The following LRCH3 variants were observed in gnomAD, a reference collection of about 807,000 sequenced individuals.
LRCH3 encodes leucine rich repeats and calponin homology domain containing 3.
Under a neutral mutation model 104.5 loss-of-function variants are expected in LRCH3, and 68 were observed. That is an observed-to-expected ratio of 0.65 (90% CI 0.54 to 0.80). The LOEUF is 0.80. Ranked by LOEUF, LRCH3 falls within the 30% of genes least tolerant of loss-of-function variation. The pLI, the probability that LRCH3 is intolerant of heterozygous loss-of-function variation, is 0.00. For synonymous variants in LRCH3, 344 were observed against 361.3 expected (o/e 0.95, Z 0.54); for missense variants, 951 against 953.9 (o/e 1.00, Z 0.04).
intron 1 of LRCH3, among the ~76,000 whole-genome samples, chr3:197,811,446 C>T (rs918453751): frequency 1.2e-4 from 19 of 152,180 alleles, no homozygotes; most frequent in East Asian, 5.8e-4. Flanking sequence ...TGGCCATTTT[C>T]GCATTCATAG....
intron 18 of LRCH3, 83 bp from the exon 19 acceptor site, chr3:197,871,242 A>T: frequency 1.8e-6 from 2 of 1,096,954 alleles, no homozygotes; most frequent in Non-Finnish European, 2.7e-6. Flanking sequence ...CTTGATTTTT[A>T]ATTAGATTTC....
At chr3:197,864,851 T>C (rs747488217) in intron 15 of LRCH3, among the ~76,000 whole-genome samples, 1 of 151,540 alleles carries the variant, frequency 6.6e-6, no homozygotes, top group African/African-American at 2.4e-5. Flanking sequence ...CAAGACACTG[T>C]CTCTACAAAA....
Position 197,830,762 on chromosome 3 carries a change from TTC to T in LRCH3, c.888-7_888-6del. 1 of 1,609,354 alleles carries T rather than the reference TTC, an allele frequency of 6.2e-7. No individual in the cohort carries two copies. Among genetic ancestry groups the T allele is most frequent in the Non-Finnish European group, 8.5e-7 (1 of 1,176,940 alleles). On this transcript the variant is annotated splice_region_variant and splice_polypyrimidine_tract_variant and intron_variant, in intron 6 of 20. Transcript: ENST00000425562. ...AAACTTTGCAGTAACAGAGTCTCTT[TTC>T]GGCAGCCATGAAGAACTGTACTCAA...
At chr3:197,855,364 C>T (rs946889539) in intron 14 of LRCH3, among the ~76,000 whole-genome samples, 3 of 152,158 alleles carry the variant, frequency 2.0e-5, no homozygotes, top group Non-Finnish European at 4.4e-5. Flanking sequence ...GCCTAAGAAG[C>T]GAATAATAAG....
Position 197,820,355 on chromosome 3 carries a change from C to T in LRCH3, c.565C>T (p.Pro189Ser), listed in dbSNP as rs1194913993. The change falls in exon 4 of 21, where the codon CCT (proline) becomes TCT (serine). Residue 189 changes from proline (P) to serine (S), a missense_variant. Pro to Ser is a moderately conservative substitution (Grantham distance 74, BLOSUM62 -1). Coordinates refer to ENST00000425562, the MANE Select transcript of LRCH3 (RefSeq NM_001365715.1). ...GAGCTGCAATGAAATTCAAACTATACCTTCCCAAATTGGTAACCTGGAGGC... is the reference window on the plus strand; with the variant it reads ...GAGCTGCAATGAAATTCAAACTATATCTTCCCAAATTGGTAACCTGGAGGC... ...DVSCNEIQTI[P>S]SQIGNLEALR... 5 of 1,612,724 alleles carry T rather than the reference C, an allele frequency of 3.1e-6. No homozygotes were observed. In the South Asian group the frequency reaches 5.5e-5, roughly 18 times the overall value.
intron 10 of LRCH3, 122 bp from the exon 11 acceptor site, chr3:197,847,287 A>T: frequency 2.4e-6 from 2 of 837,448 alleles, no homozygotes; most frequent in Non-Finnish European, 3.7e-6. Context: ...AATGCTAACT[A>T]GGCAGTTTGC....
chr3:197,817,374 A>ATATATATATATATATATC, intron 3 of LRCH3, 72 bp downstream of exon 3: 1 of 71,890 alleles, frequency 1.4e-5, no homozygotes, highest in Non-Finnish European at 1.8e-5. Context: ...ATATATATAT[A>ATATATATATATATATATC]TATATGAAAC....
intron 15 of LRCH3, among the ~76,000 whole-genome samples, chr3:197,862,501 A>G (rs1741001369): frequency 1.3e-5 from 2 of 152,074 alleles, no homozygotes; most frequent in Admixed American, 1.3e-4. Context: ...TTTCTAGTCT[A>G]TGTCCTGTTA....
intron 3 of LRCH3, among the ~76,000 whole-genome samples, chr3:197,817,852 GCT>G (rs769553891): frequency 2.0e-5 from 3 of 151,968 alleles, no homozygotes; most frequent in Admixed American, 6.6e-5. Flanking sequence ...ACAGAGTGTT[GCT>G]CTGTCACCTA....
Position 197,854,524 on chromosome 3 carries a change from C to G in LRCH3, c.1644+79C>G. ...TTTTTATTCAGAAACTATCTAAATA[C>G]CATAAAACATGATGAACATCATTAC... On this transcript the variant is annotated intron_variant, in intron 14 of 20. Transcript: ENST00000425562. This position sits in a 1 kb window ranked among gnomAD's most constrained non-coding sequence, Gnocchi z 4.5. 2.3e-6 allele frequency: 3 copies of G among 1,281,112 alleles called. No individual in the cohort carries two copies. Among genetic ancestry groups the G allele is most frequent in the Non-Finnish European group, 3.4e-6 (3 of 877,428 alleles). 79.4% of individuals were successfully genotyped at this position (1,281,112 alleles called of 1,614,324 possible). A position where few individuals can be genotyped will look rare whatever the true frequency, so the allele number is the denominator to read the frequency against.
At chr3:197,792,300 A>C (rs1301247214) in intron 1 of LRCH3, among the ~76,000 whole-genome samples, 3 of 151,838 alleles carry the variant, frequency 2.0e-5, no homozygotes, top group Non-Finnish European at 4.4e-5. Context: ...TACTTAGAAA[A>C]GATAGTCTAA....
intron 14 of LRCH3, among the ~76,000 whole-genome samples, chr3:197,855,633 G>A (rs1286639355): frequency 1.3e-5 from 2 of 151,446 alleles, no homozygotes; most frequent in African/African-American, 4.9e-5. Context: ...GGAAACCGAA[G>A]GTTTAATAAC....
chr3:197,821,250 G>A (rs1010556562), intron 4 of LRCH3, among the ~76,000 whole-genome samples: 1 of 152,150 alleles, frequency 6.6e-6, no homozygotes, highest in Non-Finnish European at 1.5e-5. Flanking sequence ...AATGATAAAT[G>A]GGGTGAGAGA....
chr3:197,874,963 C>T (rs1364429399), intron 19 of LRCH3, among the ~76,000 whole-genome samples: 1 of 151,072 alleles, frequency 6.6e-6, no homozygotes, highest in African/African-American at 2.4e-5. Context: ...GTTCTTGTTG[C>T]CCAGGCAGGA....
chr3:197,874,744 T>G (rs1712669981), intron 19 of LRCH3, among the ~76,000 whole-genome samples: 1 of 152,160 alleles, frequency 6.6e-6, no homozygotes, highest in Admixed American at 6.6e-5. Context: ...AGTTTTTCTA[T>G]TTAGTACTTG....
In LRCH3 at chr3:197,791,485, G is replaced by C. The variant is rs777065749; in HGVS notation, c.207G>C (p.Leu69=). 2.5e-6 allele frequency: 4 copies of C among 1,601,914 alleles called. No homozygotes were observed. The highest frequency in any genetic ancestry group is 3.4e-6 in the Non-Finnish European group (4 of 1,175,804). The change falls in exon 1 of 21, where the codon CTG becomes CTC. Residue 69 remains leucine (L), a synonymous_variant. Coordinates refer to ENST00000425562, the MANE Select transcript of LRCH3 (RefSeq NM_001365715.1). ...TGCTGAGCCTGAGCGGCCGGAAACT[G>C]AGGGAGTTTCCCCGGGGAGCGGCCA... ...TGVLSLSGRK[L]REFPRGAANH... is the part of the protein sequence containing the mutation.
At chr3:197,820,860 T>TTGTG (rs1008410001) in intron 4 of LRCH3, among the ~76,000 whole-genome samples, 14 of 150,388 alleles carry the variant, frequency 9.3e-5, no homozygotes, top group Non-Finnish European at 2.1e-4. Flanking sequence ...CTGTGTGTGT[T>TTGTG]TGTGTGTGTG....
At chr3:197,814,705 G>A (rs146195117) in intron 1 of LRCH3, among the ~76,000 whole-genome samples, 22 of 152,222 alleles carry the variant, frequency 1.4e-4, no homozygotes, top group Admixed American at 1.4e-3. Flanking sequence ...TTAGGAAGGT[G>A]GATTTTAGGG....
Position 197,791,523 on chromosome 3 carries a change from C to G in LRCH3, c.245C>G (p.Thr82Arg). 1 of 1,591,986 alleles carries G rather than the reference C, an allele frequency of 6.3e-7. No individual in the cohort carries two copies. Residue 82 changes from threonine to arginine, a missense_variant, in exon 1 of 21, where the codon ACG becomes AGG. Physicochemically the swap from Thr to Arg is moderately conservative, Grantham distance 71 (BLOSUM62 -1). Transcript: ENST00000425562. ...CGGGGAGCGGCCAACCACGACCTGACGGACACCACCCGGGCGGGTGAGCGG... is the reference window on the plus strand; with the variant it reads ...CGGGGAGCGGCCAACCACGACCTGAGGGACACCACCCGGGCGGGTGAGCGG... ...FPRGAANHDL[T>R]DTTRADLSRN...
Sources: allele counts gnomAD v4.1 joint callset (sites outside exome capture counted in the v4.1 genomes callset), GRCh38; gene constraint gnomAD v4.1.1; non-coding constraint Gnocchi (gnomAD v3.1); transcripts MANE v1.5; gene names NCBI Gene and HGNC (gene_info 2026-07-23, HGNC 2026-07-21).